Variants in PRKCD observed in about 807,000 individuals in gnomAD.
PRKCD encodes protein kinase C delta, also known as protein kinase C delta type.
In PRKCD, 20 loss-of-function variants were observed where a neutral mutation model predicts 82.2. The observed-to-expected ratio is 0.24, with a 90% CI of 0.17 to 0.35. PRKCD has a LOEUF of 0.35. Ranked by LOEUF, PRKCD falls within the 10% of genes least tolerant of loss-of-function variation. The pLI, the probability that PRKCD is intolerant of heterozygous loss-of-function variation, is 1.00. For synonymous variants in PRKCD, 317 were observed against 337.0 expected (o/e 0.94, Z 0.65); for missense variants, 607 against 899.0 (o/e 0.68, Z 4.15).
At chr3:53,185,897 C>T (rs372425052) in intron 11 of PRKCD, 30 bp from the exon 12 acceptor site, 30 of 1,610,984 alleles carry the variant, frequency 1.9e-5, no homozygotes, top group African/African-American at 1.7e-4. Context: ...ACTGAGACCC[C>T]GATCTGAGGA....
intron 2 of PRKCD, among the ~76,000 whole-genome samples, chr3:53,171,664 T>TC: frequency 6.6e-6 from 1 of 151,992 alleles, no homozygotes; most frequent in Middle Eastern, 3.4e-3. Context: ...GTGGGAAGGG[T>TC]CCCCCAGGGC....
rs1198301490 is a variant in PRKCD, at chr3:53,187,422, G to A, written c.1415+20G>A. The stretch of plus-strand genomic sequence containing the variant: ...TTACAGGTGCGGGGGTGAGGGCAGC[G>A]GGGGCTCTTGGGAGGGGAGGCTCCA... On this transcript the variant is annotated intron_variant, in intron 15 of 18. Transcript: ENST00000330452. 18 of 1,612,360 alleles carry A rather than the reference G, an allele frequency of 1.1e-5. No individual in the cohort carries two copies. Among genetic ancestry groups the A allele is most frequent in the Admixed American group, 1.0e-4 (6 of 59,968 alleles).
intron 2 of PRKCD, among the ~76,000 whole-genome samples, chr3:53,171,304 C>T: frequency 6.6e-6 from 1 of 152,182 alleles, no homozygotes; most frequent in East Asian, 1.9e-4. Context: ...GGTGGCCTCC[C>T]TCCAAGGAGG....
At chr3:53,185,040 C>A in intron 10 of PRKCD, 66 bp downstream of exon 10, 1 of 1,421,684 alleles carries the variant, frequency 7.0e-7, no homozygotes, top group Non-Finnish European at 9.9e-7. Flanking sequence ...AGGCTTACAG[C>A]CACTGCTGGG....
intron 2 of PRKCD, among the ~76,000 whole-genome samples, chr3:53,171,146 G>A (rs1253427521): frequency 6.6e-6 from 1 of 152,178 alleles, no homozygotes; most frequent in African/African-American, 2.4e-5. Flanking sequence ...CCTCACAGAG[G>A]CCCCTTGTCC....
At chr3:53,184,615 C>T (rs573867714) in intron 9 of PRKCD, among the ~76,000 whole-genome samples, 6 of 144,386 alleles carry the variant, frequency 4.2e-5, no homozygotes, top group South Asian at 4.3e-4. Context: ...GCAGAGGTTG[C>T]GGTGAGCCGA....
At chr3:53,179,908 TGG>T in intron 4 of PRKCD, 132 bp downstream of exon 4, 3 of 1,122,172 alleles carry the variant, frequency 2.7e-6, no homozygotes, top group Non-Finnish European at 3.8e-6. Flanking sequence ...GGCCCTGTGC[TGG>T]CCACCAGTCC....
At chr3:53,170,647 C>T (rs1553664701) in intron 2 of PRKCD, among the ~76,000 whole-genome samples, 1 of 152,262 alleles carries the variant, frequency 6.6e-6, no homozygotes, top group South Asian at 2.1e-4. Flanking sequence ...CCCAGCCTAG[C>T]CTGACACCAG....
At chr3:53,170,869 G>A (rs1443677166) in intron 2 of PRKCD, among the ~76,000 whole-genome samples, 1 of 152,098 alleles carries the variant, frequency 6.6e-6, no homozygotes, top group African/African-American at 2.4e-5. Context: ...AGCCTATGTG[G>A]TCGGGTGTGG....
chr3:53,170,226 T>A (rs1553664600), intron 2 of PRKCD, among the ~76,000 whole-genome samples: 1 of 152,142 alleles, frequency 6.6e-6, no homozygotes, highest in African/African-American at 2.4e-5. Context: ...TCCAAACACA[T>A]ACCCTCACCC....
intron 2 of PRKCD, among the ~76,000 whole-genome samples, chr3:53,165,765 C>T (rs1181435905): frequency 6.6e-6 from 1 of 152,244 alleles, no homozygotes; most frequent in Non-Finnish European, 1.5e-5. Context: ...GGCTCAGTCC[C>T]TCTCTTCAGC....
intron 4 of PRKCD, among the ~76,000 whole-genome samples, chr3:53,180,274 C>T (rs1280541194): frequency 3.9e-5 from 6 of 152,252 alleles, no homozygotes; most frequent in African/African-American, 1.2e-4. Context: ...CCCATTATCC[C>T]AGTTCTTTTT....
rs888496116 is a variant in PRKCD at position 53,189,004 on chromosome 3, C to G, written c.1555-54C>G. 2.5e-6 allele frequency: 4 copies of G among 1,578,126 alleles called. No individual in the cohort carries two copies. The African/African-American group carries it at 5.4e-5, about 21-fold the overall frequency. ...GGCTAGGCTTCGTGCCCAGGGGCCCCTCTCAGCCTCAGCACCTCAGCTCCT... is the reference window on the plus strand; with the variant it reads ...GGCTAGGCTTCGTGCCCAGGGGCCCGTCTCAGCCTCAGCACCTCAGCTCCT... On this transcript the variant is annotated intron_variant, in intron 16 of 18. Coordinates refer to ENST00000330452, the MANE Select transcript of PRKCD (RefSeq NM_006254.4).
At chr3:53,166,883 C>T (rs1371753790) in intron 2 of PRKCD, among the ~76,000 whole-genome samples, 7 of 152,352 alleles carry the variant, frequency 4.6e-5, no homozygotes, top group East Asian at 1.9e-4. Flanking sequence ...GGCATGAATG[C>T]GGGGGAGAGG....
In PRKCD at chr3:53,164,243, T is replaced by C. The variant is rs183781395; in HGVS notation, c.-131-861T>C. On this transcript the variant is annotated intron_variant, in intron 1 of 18. Coordinates refer to ENST00000330452, the MANE Select transcript of PRKCD (RefSeq NM_006254.4). The stretch of plus-strand genomic sequence containing the variant: ...TTTTTCAGCTGTGTAATGGGCACAA[T>C]AGTAATGTGAGAATCACCTGAACTG... 1.5e-4 allele frequency among the ~76,000 whole-genome samples: 23 copies of C among 152,282 alleles called. 1 individual carries two copies. The highest frequency in any genetic ancestry group is 1.5e-5 in the Non-Finnish European group (1 of 68,034).
intron 2 of PRKCD, among the ~76,000 whole-genome samples, chr3:53,165,827 G>A (rs1553663768): frequency 6.6e-6 from 1 of 152,212 alleles, no homozygotes; most frequent in Non-Finnish European, 1.5e-5. Flanking sequence ...TGGGAAGGCT[G>A]CAGTCTCTTT....
intron 12 of PRKCD, 44 bp from the exon 13 acceptor site, chr3:53,186,123 C>T (rs782728261): frequency 1.2e-6 from 2 of 1,608,040 alleles, no homozygotes; most frequent in Non-Finnish European, 1.7e-6. Flanking sequence ...GGCTGTGGCC[C>T]CTGCCCCGTC....
chr3:53,188,819 C>G lies in PRKCD; in HGVS notation c.1515C>G (p.Ala505=). 6.2e-7 allele frequency: 1 copy of G among 1,614,186 alleles called. No homozygotes were observed. Among genetic ancestry groups the G allele is most frequent in the African/African-American group, 1.3e-5 (1 of 75,058 alleles). ...AGAACATATTCGGGGAGAGCCGGGC[C>G]AGCACCTTCTGCGGCACCCCTGACT... ...CKENIFGESR[A]STFCGTPDYI... is the part of the protein sequence containing the mutation. The change falls in exon 16 of 19, where the codon GCC becomes GCG. Residue 505 remains alanine (A), a synonymous_variant. Transcript: ENST00000330452.
intron 7 of PRKCD, among the ~76,000 whole-genome samples, chr3:53,182,549 G>A (rs1277658707): frequency 2.0e-5 from 3 of 152,146 alleles, no homozygotes; most frequent in South Asian, 2.1e-4. Context: ...GATTATAGGC[G>A]TGAGCCATCG....
Sources: allele counts gnomAD v4.1 joint callset (sites outside exome capture counted in the v4.1 genomes callset), GRCh38; gene constraint gnomAD v4.1.1; transcripts MANE v1.5; gene names NCBI Gene and HGNC (gene_info 2026-07-23, HGNC 2026-07-21).